The following PLCB1 variants were observed in gnomAD, a reference collection of about 807,000 sequenced individuals.
PLCB1 encodes the protein 1-phosphatidylinositol 4,5-bisphosphate phosphodiesterase beta-1.
In PLCB1, 46 loss-of-function variants were observed where a neutral mutation model predicts 161.8. The observed-to-expected ratio is 0.28, with a 90% CI of 0.22 to 0.36. The LOEUF (loss-of-function observed/expected upper bound fraction) is 0.36, where lower values mean the gene tolerates loss of function less well. Ranked by LOEUF, PLCB1 falls within the 10% of genes least tolerant of loss-of-function variation. The pLI, the probability that PLCB1 is intolerant of heterozygous loss-of-function variation, is 1.00. For synonymous variants in PLCB1, 517 were observed against 503.7 expected (o/e 1.03, Z -0.35); for missense variants, 1,016 against 1,472.5 (o/e 0.69, Z 5.07).
chr20:8,414,993 G>A (rs186955373), intron 3 of PLCB1, among the ~76,000 whole-genome samples: 2 of 152,138 alleles, frequency 1.3e-5, no homozygotes, highest in East Asian at 3.9e-4. Context: ...CCCTGCCCTA[G>A]AGCAATGTTC....
In PLCB1 at chr20:8,469,400, A is replaced by G. The variant is rs1192685954; in HGVS notation, c.246+97950A>G. Among the ~76,000 whole-genome samples, 5 of 152,242 alleles carry G rather than the reference A, an allele frequency of 3.3e-5. No individual in the cohort carries two copies. In the East Asian group the frequency reaches 5.8e-4, roughly 18 times the overall value. On this transcript the variant is annotated intron_variant, in intron 3 of 31. Transcript: ENST00000338037. ...GCCCCTAAATTAATATCCTAATTCA[A>G]GTATCCTAGTCGTGTTATTCTCACA...
intron 3 of PLCB1, among the ~76,000 whole-genome samples, chr20:8,448,740 T>G (rs1980945234): frequency 6.6e-6 from 1 of 152,236 alleles, no homozygotes; most frequent in Non-Finnish European, 1.5e-5. Flanking sequence ...GCTTTGGAAC[T>G]GCATTTCTCT....
chr20:8,308,650 A>G (rs1472449411), intron 2 of PLCB1, among the ~76,000 whole-genome samples: 3 of 149,708 alleles, frequency 2.0e-5, no homozygotes, highest in Non-Finnish European at 3.0e-5. Flanking sequence ...AAGGACAACT[A>G]TGAATGTTCC....
Position 8,616,681 on chromosome 20 carries a change from C to T in PLCB1, c.247-11613C>T, listed in dbSNP as rs533473913. Among the ~76,000 whole-genome samples, 5 of 152,256 alleles carry T rather than the reference C, an allele frequency of 3.3e-5. No individual in the cohort carries two copies. The East Asian group carries it at 9.6e-4, about 29-fold the overall frequency. On this transcript the variant is annotated intron_variant, in intron 3 of 31. Transcript: ENST00000338037. Reference sequence around the variant, plus strand: ...ATGAATAAAGACCATGAGACAGATGCCCCCAAGCACAAGGAAAATGCTGAG... The same window carrying T: ...ATGAATAAAGACCATGAGACAGATGTCCCCAAGCACAAGGAAAATGCTGAG...
chr20:8,566,808 C>CTTTT (rs57718112), intron 3 of PLCB1, among the ~76,000 whole-genome samples: 1 of 130,900 alleles, frequency 7.6e-6, no homozygotes, highest in Non-Finnish European at 1.6e-5. Flanking sequence ...TAAATCACTT[C>CTTTT]TTTTTTTTTT....
At chr20:8,586,014 C>A (rs1019001543) in intron 3 of PLCB1, among the ~76,000 whole-genome samples, 3 of 152,162 alleles carry the variant, frequency 2.0e-5, no homozygotes, top group African/African-American at 4.8e-5. Flanking sequence ...CAGCTCATTA[C>A]CCCAGATTCA....
chr20:8,827,323 C>A (rs117959698), intron 31 of PLCB1, among the ~76,000 whole-genome samples: 27 of 152,194 alleles, frequency 1.8e-4, no homozygotes, highest in Admixed American at 1.8e-3. Flanking sequence ...TCCCTGTGTT[C>A]GCGATGTAAT....
chr20:8,548,529 CTT>C (rs891715769), intron 3 of PLCB1, among the ~76,000 whole-genome samples: 3 of 151,416 alleles, frequency 2.0e-5, no homozygotes, highest in African/African-American at 7.3e-5. Flanking sequence ...CCCTCTCTCT[CTT>C]TCTTTTCTTC....
At chr20:8,213,833 T>C (rs1359513882) in intron 2 of PLCB1, among the ~76,000 whole-genome samples, 1 of 151,976 alleles carries the variant, frequency 6.6e-6, no homozygotes, top group Non-Finnish European at 1.5e-5. Flanking sequence ...ATTGTAAGCA[T>C]GTAAGCAGAT....
chr20:8,383,966 T>C (rs1366320857), intron 3 of PLCB1, among the ~76,000 whole-genome samples: 2 of 152,158 alleles, frequency 1.3e-5, no homozygotes, highest in East Asian at 1.9e-4. Flanking sequence ...TTTTCCTACA[T>C]TTTGACCTTG....
chr20:8,729,185 G>A lies in PLCB1; in HGVS notation c.1888+11G>A, dbSNP rs150219357. On this transcript the variant is annotated intron_variant, in intron 18 of 31. Transcript: ENST00000338037. ...ATTTCCAGACAATGGGTAAGTACAT[G>A]CTTGTTCCCATTCTGCTATGAACTC... 301 of 1,597,126 alleles carry A rather than the reference G, an allele frequency of 1.9e-4. 1 individual carries two copies. In the African/African-American group the frequency reaches 3.5e-3, roughly 18 times the overall value.
In PLCB1 at chr20:8,543,632, A is replaced by AAAAAAAAC. The variant is rs1985422690; in HGVS notation, c.247-84659_247-84658insAAAACAAA. Among the ~76,000 whole-genome samples, 8 of 151,456 alleles carry AAAAAAAAC rather than the reference A, an allele frequency of 5.3e-5. No individual in the cohort carries two copies. The South Asian group carries it at 1.7e-3, about 32-fold the overall frequency. On this transcript the variant is annotated intron_variant, in intron 3 of 31. Transcript: ENST00000338037. ...TTCCAAAGAGTTCCAAAAAAAAAAA[A>AAAAAAAAC]AAACCTGTTGGACACATCTGATACG...
chr20:8,592,985 G>C (rs547423554), intron 3 of PLCB1, among the ~76,000 whole-genome samples: 1 of 152,032 alleles, frequency 6.6e-6, no homozygotes, highest in Non-Finnish European at 1.5e-5. Flanking sequence ...AATCTCTGAG[G>C]GTGGGATCCA....
chr20:8,710,877 A>G, intron 12 of PLCB1, among the ~76,000 whole-genome samples: 1 of 152,162 alleles, frequency 6.6e-6, no homozygotes, highest in East Asian at 1.9e-4. Flanking sequence ...CACCTGCTAC[A>G]CTGAGCTTCC....
At chr20:8,881,410 G>T (rs184009864) in intron 31 of PLCB1, among the ~76,000 whole-genome samples, 3 of 151,488 alleles carry the variant, frequency 2.0e-5, no homozygotes, top group African/African-American at 7.3e-5. Context: ...GCCTTATTGT[G>T]CCACACATAA....
Position 8,686,772 on chromosome 20 carries a change from A to G in PLCB1, c.1009+1694A>G, listed in dbSNP as rs150631399. ...TCTTGACATGACCTATTAATCTTTG[A>G]AAGTGTTCTGGCACATAGAGATCTT... On this transcript the variant is annotated intron_variant, in intron 10 of 31. Transcript: ENST00000338037. 1.2e-3 allele frequency among the ~76,000 whole-genome samples: 183 copies of G among 152,206 alleles called. 2 individuals carry two copies. The East Asian group carries it at 0.027, about 22-fold the overall frequency.
intron 3 of PLCB1, among the ~76,000 whole-genome samples, chr20:8,541,855 A>G (rs1176833915): frequency 6.6e-6 from 1 of 152,180 alleles, no homozygotes; most frequent in Non-Finnish European, 1.5e-5. Context: ...TTTTCTTTCA[A>G]ACTTCCCTCC....
intron 4 of PLCB1, among the ~76,000 whole-genome samples, chr20:8,636,399 T>G (rs1412172512): frequency 2.0e-5 from 3 of 152,236 alleles, no homozygotes; most frequent in Non-Finnish European, 4.4e-5. Context: ...AGGTGTCCTT[T>G]GTTGGAGAAT....
At chr20:8,588,693 C>T (rs1987060904) in intron 3 of PLCB1, among the ~76,000 whole-genome samples, 1 of 152,106 alleles carries the variant, frequency 6.6e-6, no homozygotes, top group South Asian at 2.1e-4. Context: ...GCAGGAGAGA[C>T]CAAACCTGTC....
Sources: gnomAD v4.1 joint callset for allele counts (sites outside exome capture counted in the v4.1 genomes callset) on GRCh38, gnomAD v4.1.1 for gene constraint, MANE v1.5 for transcripts, NCBI Gene and HGNC (gene_info 2026-07-23, HGNC 2026-07-21) for gene names.